AKT3: variants seen among roughly 807,000 people sequenced by gnomAD.
AKT3 encodes the protein AKT serine/threonine kinase 3.
AKT3 carries 15 observed loss-of-function variants against 65.3 expected under a neutral mutation model. That is an observed-to-expected ratio of 0.23 (90% CI 0.15 to 0.35). The LOEUF (loss-of-function observed/expected upper bound fraction) is 0.35. AKT3 is among the 10% of genes least tolerant of loss of function. The probability of loss-of-function intolerance (pLI) is 1.00; values close to 1 mark genes in which losing one functional copy is unlikely to be tolerated. For synonymous variants in AKT3, 206 were observed against 183.8 expected (o/e 1.12, Z -0.98); for missense variants, 243 against 576.5 (o/e 0.42, Z 5.92).
At position 243,502,916 on chromosome 1, in the gene AKT3, G is replaced by A. The variant is rs1265291289; in HGVS notation, c.*2333C>T. 1.3e-5 allele frequency: 3 copies of A among 233,204 alleles called. No individual in the cohort carries two copies. The highest frequency in any genetic ancestry group is 2.5e-5 in the Non-Finnish European group (3 of 118,060). The allele number at this position is 233,204 out of a possible 1,614,324, so 14.4% of individuals were successfully genotyped here. On this transcript the variant is annotated 3_prime_UTR_variant, in exon 14 of 14. Coordinates refer to ENST00000673466, the MANE Select transcript of AKT3 (RefSeq NM_005465.7). ...AAAAACCAAAACAACAAAAAGCTGT[G>A]TGCTTAGTGTTCGGTGTCATGCTTT... is the stretch of plus-strand genomic sequence containing the variant.
rs571586167 is a variant in AKT3, at chr1:243,707,087, CA to C, written c.47-11372del. Among the ~76,000 whole-genome samples, 532 of 152,254 alleles carry C rather than the reference CA, an allele frequency of 3.5e-3. 2 individuals are homozygous for C. The highest frequency in any genetic ancestry group is 0.012 in the African/African-American group (516 of 41,560). On this transcript the variant is annotated intron_variant, in intron 2 of 13. Coordinates refer to ENST00000673466, the MANE Select transcript of AKT3 (RefSeq NM_005465.7). ...AAAGTTTGTAAAGCATGTAGAACAA[CA>C]TCTAGCTCACTGCAAGCATTATGTA...
At chr1:243,734,438 G>A (rs1035981350) in intron 2 of AKT3, among the ~76,000 whole-genome samples, 5 of 152,108 alleles carry the variant, frequency 3.3e-5, no homozygotes, top group African/African-American at 1.2e-4. Context: ...CTAGTTTTTA[G>A]GCTACAAATC....
intron 3 of AKT3, among the ~76,000 whole-genome samples, chr1:243,671,543 G>C (rs899330705): frequency 4.6e-5 from 7 of 152,060 alleles, no homozygotes; most frequent in African/African-American, 1.7e-4. Context: ...TTTTCACTAG[G>C]GGCAAAAAAG....
intron 9 of AKT3, among the ~76,000 whole-genome samples, chr1:243,572,670 C>CA (rs1458750396): frequency 5.9e-5 from 9 of 152,098 alleles, no homozygotes; most frequent in Non-Finnish European, 1.3e-4. Context: ...TTGACTTAAT[C>CA]ACGTTTAACA....
At chr1:243,846,553 C>G (rs1257616956) in intron 1 of AKT3, among the ~76,000 whole-genome samples, 2 of 152,012 alleles carry the variant, frequency 1.3e-5, no homozygotes, top group African/African-American at 4.8e-5. Context: ...CATTAGTATT[C>G]AAAGATTACT....
intron 12 of AKT3, 118 bp downstream of exon 12, chr1:243,545,392 G>T: frequency 1.8e-6 from 1 of 555,332 alleles, no homozygotes; most frequent in Non-Finnish European, 3.0e-6. Flanking sequence ...TTAAATGTCG[G>T]TAAAATGGAA....
At chr1:243,506,492 C>T (rs74153906) in intron 13 of AKT3, among the ~76,000 whole-genome samples, 1,985 of 152,380 alleles carry the variant, frequency 0.013, 41 homozygotes, top group African/African-American at 0.046. Flanking sequence ...CACTGAGGCT[C>T]TGACTCTGTC....
At chr1:243,803,672 ACACAC>A (rs1692524470) in intron 2 of AKT3, among the ~76,000 whole-genome samples, 3 of 151,314 alleles carry the variant, frequency 2.0e-5, no homozygotes, top group Non-Finnish European at 4.4e-5. Context: ...ACACACACAC[ACACAC>A]ACACACACAC....
chr1:243,849,942 C>A (rs1310522459), intron 1 of AKT3, 98 bp downstream of exon 1: 1 of 891,962 alleles, frequency 1.1e-6, no homozygotes. Flanking sequence ...CGCCATCCCC[C>A]GCCTGAGGGA....
intron 2 of AKT3, among the ~76,000 whole-genome samples, chr1:243,826,370 A>T (rs2148437141): frequency 6.6e-6 from 1 of 152,308 alleles, no homozygotes; most frequent in East Asian, 1.9e-4. Context: ...TGTCTAACAC[A>T]ACATCAATTA....
intron 2 of AKT3, among the ~76,000 whole-genome samples, chr1:243,796,098 T>G (rs1691987907): frequency 1.3e-5 from 2 of 152,216 alleles, no homozygotes; most frequent in South Asian, 4.1e-4. Flanking sequence ...TTTGTGCACT[T>G]ACAGGTACTG....
chr1:243,785,517 G>A (rs1691208875), intron 2 of AKT3, among the ~76,000 whole-genome samples: 1 of 152,064 alleles, frequency 6.6e-6, no homozygotes. Flanking sequence ...TATTGGTGAT[G>A]CTATGTAAAT....
At chr1:243,797,025 T>C (rs566976559) in intron 2 of AKT3, among the ~76,000 whole-genome samples, 1 of 152,044 alleles carries the variant, frequency 6.6e-6, no homozygotes, top group Non-Finnish European at 1.5e-5. Flanking sequence ...TTTCACAACA[T>C]GAAAAAAGTT....
chr1:243,815,560 GTAC>G (rs946328328), intron 2 of AKT3, among the ~76,000 whole-genome samples: 2 of 149,490 alleles, frequency 1.3e-5, no homozygotes, highest in Admixed American at 1.3e-4. Flanking sequence ...TCAAAAGACA[GTAC>G]TACATTTTTG....
At chr1:243,570,241 G>T (rs1674463150) in intron 9 of AKT3, among the ~76,000 whole-genome samples, 1 of 152,202 alleles carries the variant, frequency 6.6e-6, no homozygotes, top group Non-Finnish European at 1.5e-5. Context: ...GCTACTGTAG[G>T]CATAGCAATT....
In AKT3 at chr1:243,637,597, A is replaced by G; in HGVS notation, c.561+14T>C. 3 of 1,579,440 alleles carry G rather than the reference A, an allele frequency of 1.9e-6. No individual in the cohort carries two copies. The highest frequency in any genetic ancestry group is 2.6e-6 in the Non-Finnish European group (3 of 1,164,102). On this transcript the variant is annotated intron_variant, in intron 6 of 13. Coordinates refer to ENST00000673466, the MANE Select transcript of AKT3 (RefSeq NM_005465.7). ...AAACAAAAATTTAGTAATCAACTTT[A>G]ATAAATCAGTTACCTTTGCAATAAT...
intron 4 of AKT3, among the ~76,000 whole-genome samples, chr1:243,655,488 A>ATTTTTGTGTATTCATTT (rs1681708151): frequency 6.6e-6 from 1 of 151,806 alleles, no homozygotes; most frequent in Non-Finnish European, 1.5e-5. Context: ...ATAGTGTTGA[A>ATTTTTGTGTATTCATTT]TTTTTGTGTA....
intron 2 of AKT3, among the ~76,000 whole-genome samples, chr1:243,806,099 A>G (rs927245287): frequency 2.0e-5 from 3 of 152,102 alleles, no homozygotes; most frequent in Admixed American, 2.0e-4. Context: ...AATTCCTATC[A>G]GTCTCAAATG....
chr1:243,720,241 T>C (rs994987668), intron 2 of AKT3, among the ~76,000 whole-genome samples: 2 of 151,902 alleles, frequency 1.3e-5, no homozygotes, highest in Non-Finnish European at 2.9e-5. Context: ...GAGGGTGCAG[T>C]GAGCCAAGAC....
Sources: gnomAD v4.1 joint callset for allele counts (sites outside exome capture counted in the v4.1 genomes callset) on GRCh38, gnomAD v4.1.1 for gene constraint, MANE v1.5 for transcripts, NCBI Gene and HGNC (gene_info 2026-07-23, HGNC 2026-07-21) for gene names.